The following MEGF10 variants were observed in gnomAD, a reference collection of about 807,000 sequenced individuals.
MEGF10 encodes the protein multiple epidermal growth factor-like domains protein 10.
Under a neutral mutation model 147.5 loss-of-function variants are expected in MEGF10, and 86 were observed. The ratio of observed to expected loss-of-function variants is 0.58; its 90% CI spans 0.49 to 0.70. The LOEUF (loss-of-function observed/expected upper bound fraction) is 0.70, where lower values mean the gene tolerates loss of function less well. Ranked by LOEUF, MEGF10 falls within the 30% of genes least tolerant of loss-of-function variation. The pLI is 0.00. For missense variants in MEGF10, 1,329 were observed against 1,487.3 expected, an observed-to-expected ratio of 0.89 and a Z score of 1.75; for synonymous variants, 478 against 525.5, an observed-to-expected ratio of 0.91 and a Z score of 1.24.
chr5:127,393,968 C>G (rs769812480), intron 5 of MEGF10, among the ~76,000 whole-genome samples: 1 of 152,028 alleles, frequency 6.6e-6, no homozygotes, highest in Non-Finnish European at 1.5e-5. Context: ...CTACTTCTCC[C>G]TACCTCTCTC....
chr5:127,346,934 T>TTA, intron 4 of MEGF10, among the ~76,000 whole-genome samples: 1 of 152,038 alleles, frequency 6.6e-6, no homozygotes, highest in East Asian at 1.9e-4. Flanking sequence ...AATTTATATT[T>TTA]TATATATATC....
intron 15 of MEGF10, 93 bp downstream of exon 15, chr5:127,434,914 T>A: frequency 9.4e-7 from 1 of 1,059,484 alleles, no homozygotes; most frequent in Non-Finnish European, 1.3e-6. Context: ...CTGAAGGCCA[T>A]GTTTTCAGCT....
chr5:127,337,468 G>T (rs79218398), intron 2 of MEGF10, among the ~76,000 whole-genome samples: 2,752 of 152,088 alleles, frequency 0.018, 71 homozygotes, highest in East Asian at 0.11. Context: ...AAAAAATATT[G>T]GTAAGGAAGT....
the MEGF10 span, among the ~76,000 whole-genome samples, chr5:127,232,949 T>C: frequency 1.3e-5 from 2 of 152,096 alleles, no homozygotes; most frequent in Non-Finnish European, 2.9e-5. Flanking sequence ...GCTGGATATT[T>C]CTGTGAGCCT....
chr5:127,419,504 G>A (rs1304156742), intron 11 of MEGF10, among the ~76,000 whole-genome samples: 8 of 152,146 alleles, frequency 5.3e-5, no homozygotes, highest in African/African-American at 1.4e-4. Flanking sequence ...AAGCAGACAT[G>A]TGTTCATGCC....
At chr5:127,416,676 AAGG>A (rs1039345897) in intron 9 of MEGF10, among the ~76,000 whole-genome samples, 10 of 152,262 alleles carry the variant, frequency 6.6e-5, no homozygotes, top group African/African-American at 1.9e-4. Context: ...TTTTCTGAAC[AAGG>A]AGGAGGAGGA....
At position 127,349,903 on chromosome 5, in the gene MEGF10, A is replaced by C. The variant is rs368677161; in HGVS notation, c.319+9273A>C. Among the ~76,000 whole-genome samples the C allele has an allele frequency of 6.6e-5, 10 of 152,220 alleles. 1 individual carries two copies. The highest frequency in any genetic ancestry group is 4.6e-4 in the Admixed American group (7 of 15,282). On this transcript the variant is annotated intron_variant, in intron 4 of 24. Coordinates refer to ENST00000503335, the MANE Select transcript of MEGF10 (RefSeq NM_001256545.2). ...TCCAGTTGGCTACTCTGATTGATTA[A>C]ATTTTTGTGCATATCTTTGGTCATT...
chr5:127,457,447 A>AGAAAGCT lies in MEGF10; in HGVS notation c.*139_*145dup. The AGAAAGCT allele has an allele frequency of 9.8e-7, 1 of 1,021,222 alleles. No homozygotes were observed. Among genetic ancestry groups the AGAAAGCT allele is most frequent in the South Asian group, 1.7e-5 (1 of 58,944 alleles). The allele number at this position is 1,021,222 out of a possible 1,614,324, so 63.3% of individuals were successfully genotyped here. The stretch of plus-strand genomic sequence containing the variant: ...GGTGGGCAATTTTTGGACATGAACC[A>AGAAAGCT]GAAAGCTGAAAGCTGAGGCTGACAC... On this transcript the variant is annotated 3_prime_UTR_variant, in exon 25 of 25. Coordinates refer to ENST00000503335, the MANE Select transcript of MEGF10 (RefSeq NM_001256545.2).
chr5:127,410,223 T>A (rs1417506746), intron 8 of MEGF10, among the ~76,000 whole-genome samples, 166 bp from the exon 9 acceptor site: 1 of 152,246 alleles, frequency 6.6e-6, no homozygotes. Flanking sequence ...GTAGCCAGAG[T>A]AATGTATCTT....
chr5:127,247,350 GAA>G, the MEGF10 span, among the ~76,000 whole-genome samples: 1 of 2,036 alleles, frequency 4.9e-4, no homozygotes, highest in East Asian at 0.019. Flanking sequence ...AGAAGAAGAA[GAA>G]GAAGAAGAAG....
intron 5 of MEGF10, among the ~76,000 whole-genome samples, chr5:127,370,869 A>G (rs1673828330): frequency 6.6e-6 from 1 of 152,216 alleles, no homozygotes; most frequent in Admixed American, 6.5e-5. Context: ...TGCGTGAAAC[A>G]TTACATTTTG....
intron 1 of MEGF10, among the ~76,000 whole-genome samples, chr5:127,320,165 A>G (rs1760734825): frequency 6.6e-6 from 1 of 152,150 alleles, no homozygotes; most frequent in African/African-American, 2.4e-5. Flanking sequence ...GATGTTTCTG[A>G]AAAGGAAATA....
At chr5:127,271,417 T>A in the MEGF10 span, among the ~76,000 whole-genome samples, 1 of 152,152 alleles carries the variant, frequency 6.6e-6, no homozygotes, top group South Asian at 2.1e-4. Context: ...TTTTTTTTCT[T>A]ATAAATTTGT....
intron 5 of MEGF10, among the ~76,000 whole-genome samples, chr5:127,391,098 G>A (rs867314822): frequency 1.8e-3 from 53 of 29,782 alleles, no homozygotes; most frequent in East Asian, 4.7e-3. Flanking sequence ...GCGCGCGCGC[G>A]CGCGCACACA....
rs146614917 is a variant in MEGF10 at position 127,345,890 on chromosome 5, C to T, written c.319+5260C>T. 2.6e-5 allele frequency among the ~76,000 whole-genome samples: 4 copies of T among 152,236 alleles called. No individual in the cohort carries two copies. In the East Asian group the frequency reaches 5.8e-4, roughly 22 times the overall value. On this transcript the variant is annotated intron_variant, in intron 4 of 24. Coordinates refer to ENST00000503335, the MANE Select transcript of MEGF10 (RefSeq NM_001256545.2). ...AGTCCCCAAAGCCTATCGTATCATTCGTATGCCTTTGCATCCTCATGGCTT... is the reference window on the plus strand; with the variant it reads ...AGTCCCCAAAGCCTATCGTATCATTTGTATGCCTTTGCATCCTCATGGCTT...
At chr5:127,392,313 A>G (rs990242427) in intron 5 of MEGF10, among the ~76,000 whole-genome samples, 11 of 152,294 alleles carry the variant, frequency 7.2e-5, no homozygotes, top group Admixed American at 6.5e-4. Context: ...CATTCCCTGC[A>G]GCCCCTGCAC....
chr5:127,340,406 C>T (rs1247378594), intron 3 of MEGF10, 124 bp from the exon 4 acceptor site: 3 of 609,402 alleles, frequency 4.9e-6, no homozygotes, highest in Non-Finnish European at 5.6e-6. Context: ...ATCTTCTTAG[C>T]AAATTGATGA....
At chr5:127,355,473 G>A (rs550784347) in intron 4 of MEGF10, among the ~76,000 whole-genome samples, 44 of 152,170 alleles carry the variant, frequency 2.9e-4, no homozygotes, top group African/African-American at 1.0e-3. Context: ...CCCTGCCACC[G>A]GCATTGAATT....
intron 4 of MEGF10, among the ~76,000 whole-genome samples, chr5:127,349,294 TAA>T (rs962231201): frequency 4.7e-4 from 72 of 152,182 alleles, no homozygotes; most frequent in Admixed American, 2.2e-3. Context: ...ATTTTTAATA[TAA>T]GTTTGGTAGT....
Sources: gnomAD v4.1 joint callset for allele counts (sites outside exome capture counted in the v4.1 genomes callset) on GRCh38, gnomAD v4.1.1 for gene constraint, MANE v1.5 for transcripts, NCBI Gene and HGNC (gene_info 2026-07-23, HGNC 2026-07-21) for gene names.